The following CXCL13 variants were observed in gnomAD, a reference collection of about 807,000 sequenced individuals.
The protein encoded by CXCL13 is C-X-C motif chemokine ligand 13, also known as C-X-C motif chemokine 13.
In CXCL13, 7 loss-of-function variants were observed where a neutral mutation model predicts 12.2. That is an observed-to-expected ratio of 0.57 (90% CI 0.33 to 1.07). The LOEUF is 1.07. Among genes scored for constraint, CXCL13 ranks in the 50% least tolerant of loss-of-function variants. The probability of loss-of-function intolerance (pLI) is 0.04; values close to 1 mark genes in which losing one functional copy is unlikely to be tolerated. For synonymous variants in CXCL13, 47 were observed against 42.4 expected (o/e 1.11, Z -0.42); for missense variants, 113 against 127.4 (o/e 0.89, Z 0.55).
intron 1 of CXCL13, among the ~76,000 whole-genome samples, chr4:77,568,696 A>G (rs1316623360): frequency 6.6e-6 from 1 of 151,972 alleles, no homozygotes; most frequent in Non-Finnish European, 1.5e-5. Context: ...GAGGATCTTC[A>G]CTGGCTGATA....
chr4:77,538,492 T>C (rs1341126448), intron 1 of CXCL13, among the ~76,000 whole-genome samples: 1 of 151,958 alleles, frequency 6.6e-6, no homozygotes, highest in African/African-American at 2.4e-5. Flanking sequence ...ACATCACCTT[T>C]TCTCCACACC....
At chr4:77,561,386 A>G (rs1725807908) in intron 1 of CXCL13, among the ~76,000 whole-genome samples, 1 of 152,204 alleles carries the variant, frequency 6.6e-6, no homozygotes, top group Admixed American at 6.5e-5. Flanking sequence ...CTCTATATAA[A>G]AGTGGTTCTC....
intron 1 of CXCL13, among the ~76,000 whole-genome samples, chr4:77,517,056 T>G (rs375801548): frequency 6.6e-6 from 1 of 152,074 alleles, no homozygotes; most frequent in Non-Finnish European, 1.5e-5. Flanking sequence ...GCCTTCATTT[T>G]GTTATGTACC....
At chr4:77,548,996 T>C (rs1028559822) in intron 1 of CXCL13, among the ~76,000 whole-genome samples, 1 of 152,242 alleles carries the variant, frequency 6.6e-6, no homozygotes, top group African/African-American at 2.4e-5. Flanking sequence ...TTTGGTCTTT[T>C]CACATAGTCC....
At chr4:77,514,420 C>G (rs1350282745) in intron 1 of CXCL13, among the ~76,000 whole-genome samples, 12 of 140,210 alleles carry the variant, frequency 8.6e-5, no homozygotes, top group Non-Finnish European at 1.4e-4. Context: ...ACAGTCCCAC[C>G]AACAGTGTAA....
At chr4:77,529,480 G>A (rs1409227389) in intron 1 of CXCL13, among the ~76,000 whole-genome samples, 2 of 152,110 alleles carry the variant, frequency 1.3e-5, no homozygotes, top group African/African-American at 4.8e-5. Context: ...AGTTCTCCTT[G>A]AAGAGGTCCT....
intron 1 of CXCL13, among the ~76,000 whole-genome samples, chr4:77,560,400 A>T (rs1725777838): frequency 6.6e-6 from 1 of 152,218 alleles, no homozygotes; most frequent in African/African-American, 2.4e-5. Flanking sequence ...GTCAACAGGT[A>T]CACTGTAGGC....
chr4:77,574,706 A>G (rs1726164980), intron 1 of CXCL13, among the ~76,000 whole-genome samples: 1 of 151,926 alleles, frequency 6.6e-6, no homozygotes, highest in South Asian at 2.1e-4. Flanking sequence ...CATTCTTGCA[A>G]TGAAAAATCT....
intron 1 of CXCL13, among the ~76,000 whole-genome samples, chr4:77,521,270 G>C (rs1724590505): frequency 6.6e-6 from 1 of 152,174 alleles, no homozygotes; most frequent in African/African-American, 2.4e-5. Flanking sequence ...TCTATTGATT[G>C]TAATGATTCC....
At chr4:77,572,476 G>A (rs188925351) in intron 1 of CXCL13, among the ~76,000 whole-genome samples, 27 of 151,828 alleles carry the variant, frequency 1.8e-4, no homozygotes, top group East Asian at 1.2e-3. Flanking sequence ...GTCAACAATC[G>A]TATGAAAAAA....
intron 1 of CXCL13, among the ~76,000 whole-genome samples, chr4:77,531,955 G>A (rs530296035): frequency 3.3e-5 from 5 of 152,244 alleles, no homozygotes; most frequent in Admixed American, 6.5e-5. Flanking sequence ...TACGTGAGAT[G>A]GGTTTCCTGA....
intron 1 of CXCL13, among the ~76,000 whole-genome samples, chr4:77,548,660 GCCC>G (rs1725434948): frequency 6.6e-6 from 1 of 152,158 alleles, no homozygotes; most frequent in African/African-American, 2.4e-5. Flanking sequence ...TGGAATATTG[GCCC>G]CCATTCTCTT....
intron 1 of CXCL13, among the ~76,000 whole-genome samples, chr4:77,557,812 T>C (rs981858618): frequency 6.6e-6 from 1 of 152,232 alleles, no homozygotes; most frequent in African/African-American, 2.4e-5. Flanking sequence ...ATTGCTTCAG[T>C]AACACAGATG....
intron 1 of CXCL13, among the ~76,000 whole-genome samples, chr4:77,533,548 C>T (rs1179011956): frequency 1.3e-5 from 2 of 152,202 alleles, no homozygotes; most frequent in African/African-American, 4.8e-5. Context: ...AGAACCACTA[C>T]TGTCTTCAAG....
At chr4:77,595,600 T>G (rs1726731506) in intron 1 of CXCL13, among the ~76,000 whole-genome samples, 1 of 152,200 alleles carries the variant, frequency 6.6e-6, no homozygotes, top group Non-Finnish European at 1.5e-5. Context: ...TGAATATAAA[T>G]GCAGTCATGT....
rs575268396 is a variant in CXCL13 at position 77,540,971 on chromosome 4, C to T, written c.-43+29183C>T. ...TTCTGACTGGTGTGAGATGGTATCT[C>T]AATGTGGTTTTGATTTGCATTTCTC... On this transcript the variant is annotated intron_variant, in intron 1 of 4. Coordinates refer to the CXCL13 transcript ENST00000286758. Among the ~76,000 whole-genome samples, 298 of 152,236 alleles carry T rather than the reference C, an allele frequency of 2.0e-3. 2 individuals carry two copies. The highest frequency in any genetic ancestry group is 6.9e-3 in the Admixed American group (105 of 15,282).
intron 1 of CXCL13, among the ~76,000 whole-genome samples, chr4:77,565,634 G>A (rs912588467): frequency 2.0e-5 from 3 of 152,170 alleles, no homozygotes; most frequent in Non-Finnish European, 2.9e-5. Flanking sequence ...CTTTCCTGCA[G>A]CAACCAACAA....
intron 1 of CXCL13, among the ~76,000 whole-genome samples, chr4:77,541,904 A>C (rs909934737): frequency 1.3e-5 from 2 of 152,110 alleles, no homozygotes; most frequent in African/African-American, 4.8e-5. Context: ...GGTGTTTTCT[A>C]GTTCTCCTTG....
intron 1 of CXCL13, among the ~76,000 whole-genome samples, chr4:77,526,620 G>C (rs995924046): frequency 2.0e-5 from 3 of 152,124 alleles, no homozygotes; most frequent in Non-Finnish European, 2.9e-5. Flanking sequence ...TAGCCCAGGG[G>C]CCAGGGCTTC....
Sources: allele counts gnomAD v4.1 joint callset (sites outside exome capture counted in the v4.1 genomes callset), GRCh38; gene constraint gnomAD v4.1.1; transcripts MANE v1.5; gene names NCBI Gene and HGNC (gene_info 2026-07-23, HGNC 2026-07-21).